Variants in MYOF observed in about 807,000 individuals in gnomAD.
The protein encoded by MYOF is myoferlin.
Under a neutral mutation model 284.2 loss-of-function variants are expected in MYOF, and 244 were observed. The ratio of observed to expected loss-of-function variants is 0.86; its 90% confidence interval spans 0.77 to 0.95. The LOEUF is 0.95. Ranked by LOEUF, MYOF falls within the 40% of genes least tolerant of loss-of-function variation. The probability of loss-of-function intolerance (pLI) is 0.00; values close to 1 mark genes in which losing one functional copy is unlikely to be tolerated. For missense variants in MYOF, 2,496 were observed against 2,560.6 expected (o/e 0.97, Z 0.54); for synonymous variants, 904 against 919.7 (o/e 0.98, Z 0.31).
chr10:93,409,018 C>T (rs1847769938), intron 6 of MYOF, 103 bp from the exon 7 acceptor site: 2 of 1,542,620 alleles, frequency 1.3e-6, no homozygotes, highest in African/African-American at 2.7e-5. Context: ...GGATTGCTAA[C>T]ACCAGGCCAG....
chr10:93,442,879 C>T (rs1216402178), intron 3 of MYOF, among the ~76,000 whole-genome samples: 1 of 152,144 alleles, frequency 6.6e-6, no homozygotes, highest in African/African-American at 2.4e-5. Flanking sequence ...CAACACTCAG[C>T]GGGGCACGGT....
At chr10:93,335,193 G>T (rs1843537519) in intron 41 of MYOF, among the ~76,000 whole-genome samples, 1 of 152,122 alleles carries the variant, frequency 6.6e-6, no homozygotes, top group South Asian at 2.1e-4. Context: ...CAGGTAGAAA[G>T]GGCACCCAGG....
chr10:93,418,365 T>C (rs1848219619), intron 5 of MYOF, among the ~76,000 whole-genome samples: 1 of 152,236 alleles, frequency 6.6e-6, no homozygotes, highest in East Asian at 1.9e-4. Flanking sequence ...ATTTCTAAAA[T>C]GTTAAAAGTT....
At chr10:93,450,515 G>A (rs984347411) in intron 3 of MYOF, among the ~76,000 whole-genome samples, 2 of 150,108 alleles carry the variant, frequency 1.3e-5, no homozygotes, top group East Asian at 2.0e-4. Context: ...CGGAGGTTGC[G>A]GTAAGCTGAG....
At chr10:93,461,757 C>A (rs543695747) in intron 1 of MYOF, among the ~76,000 whole-genome samples, 1 of 152,212 alleles carries the variant, frequency 6.6e-6, no homozygotes, top group South Asian at 2.1e-4. Context: ...ACTGTGAAGC[C>A]TCAAGTACCA....
In MYOF at chr10:93,340,274, T is replaced by C. The variant is rs1288642309; in HGVS notation, c.4327-110A>G. On this transcript the variant is annotated intron_variant, in intron 38 of 53. Transcript: ENST00000359263. ...AAAGAGAAAGAAGCAAAAATTATTA[T>C]TCATGCATGCCTTATATTATCAACA... The C allele has an allele frequency of 3.8e-6, 4 of 1,052,068 alleles. No individual in the cohort carries two copies. In the African/African-American group the frequency reaches 6.4e-5, roughly 17 times the overall value. The allele number at this position is 1,052,068 out of a possible 1,614,324, so 65.2% of individuals were successfully genotyped here. A position where few individuals can be genotyped will look rare whatever the true frequency, so the allele number is the denominator to read the frequency against.
intron 25 of MYOF, among the ~76,000 whole-genome samples, chr10:93,367,796 T>C (rs770158955): frequency 2.0e-5 from 3 of 151,102 alleles, no homozygotes; most frequent in Non-Finnish European, 3.0e-5. Flanking sequence ...AAGCACCTCA[T>C]AGACTCCCAG....
intron 2 of MYOF, among the ~76,000 whole-genome samples, chr10:93,452,677 A>AC (rs1564730846): frequency 1.3e-5 from 2 of 152,098 alleles, no homozygotes; most frequent in African/African-American, 4.8e-5. Flanking sequence ...CACTTTGTGC[A>AC]CATGTACCCT....
At chr10:93,309,334 G>A (rs1842280403) in intron 53 of MYOF, among the ~76,000 whole-genome samples, 1 of 152,086 alleles carries the variant, frequency 6.6e-6, no homozygotes, top group African/African-American at 2.4e-5. Context: ...CTAGCCTGTC[G>A]TAGATGCGCA....
intron 25 of MYOF, among the ~76,000 whole-genome samples, chr10:93,369,209 A>G (rs1279230971): frequency 6.9e-6 from 1 of 145,632 alleles, no homozygotes; most frequent in Non-Finnish European, 1.5e-5. Flanking sequence ...CTCTACCCCA[A>G]GTAAGCTTAT....
chr10:93,347,206 C>A (rs1284923692), intron 37 of MYOF, among the ~76,000 whole-genome samples: 1 of 152,168 alleles, frequency 6.6e-6, no homozygotes, highest in Non-Finnish European at 1.5e-5. Flanking sequence ...GACAATGAAT[C>A]CAGGACTTAC....
chr10:93,384,570 G>A (rs1168815905), intron 19 of MYOF, among the ~76,000 whole-genome samples: 1 of 151,860 alleles, frequency 6.6e-6, no homozygotes, highest in African/African-American at 2.4e-5. Context: ...CTTGAACCCA[G>A]GAGGTGGAGG....
chr10:93,334,277 G>A (rs919012830), intron 41 of MYOF, among the ~76,000 whole-genome samples: 7 of 152,078 alleles, frequency 4.6e-5, no homozygotes, highest in African/African-American at 1.2e-4. Flanking sequence ...CAGTGATTCC[G>A]CTTTTCCTGT....
chr10:93,404,313 G>T, intron 7 of MYOF, 94 bp from the exon 8 acceptor site: 1 of 1,304,672 alleles, frequency 7.7e-7, no homozygotes, highest in Non-Finnish European at 1.1e-6. Context: ...CCTAAAAAAT[G>T]CAAAACACAA....
intron 22 of MYOF, among the ~76,000 whole-genome samples, chr10:93,376,828 G>C (rs1845859876): frequency 6.6e-6 from 1 of 152,162 alleles, no homozygotes; most frequent in African/African-American, 2.4e-5. Context: ...CCTAACAGAG[G>C]CTTGGCCACA....
At chr10:93,353,294 T>G (rs1201931773) in intron 32 of MYOF, among the ~76,000 whole-genome samples, 1 of 152,150 alleles carries the variant, frequency 6.6e-6, no homozygotes, top group East Asian at 1.9e-4. Context: ...CAGCTGGGTG[T>G]CAGTGCAAGA....
intron 29 of MYOF, 43 bp from the exon 30 acceptor site, chr10:93,356,891 T>C (rs372685613): frequency 4.0e-5 from 62 of 1,559,764 alleles, no homozygotes; most frequent in Middle Eastern, 2.2e-4. Flanking sequence ...ATGATGATGA[T>C]GATATTCCTT....
chr10:93,446,692 T>C lies in MYOF; in HGVS notation c.236+5358A>G, dbSNP rs1016297431. Among the ~76,000 whole-genome samples, 6 of 152,052 alleles carry C rather than the reference T, an allele frequency of 3.9e-5. No homozygotes were observed. The East Asian group carries it at 9.7e-4, about 24-fold the overall frequency. On this transcript the variant is annotated intron_variant, in intron 3 of 53. Coordinates refer to ENST00000359263, the MANE Select transcript of MYOF (RefSeq NM_013451.4). ...TACCTTTTTCTGTTATGCCTAACAA[T>C]TCCCGTCATCATAATATCAGAGTAA... is the stretch of plus-strand genomic sequence containing the variant.
chr10:93,361,792 A>G (rs1051331995), intron 27 of MYOF, among the ~76,000 whole-genome samples: 1 of 152,194 alleles, frequency 6.6e-6, no homozygotes, highest in African/African-American at 2.4e-5. Flanking sequence ...ACTAGGTTCA[A>G]TCATGTGAAA....
Sources: gnomAD v4.1 joint callset for allele counts (sites outside exome capture counted in the v4.1 genomes callset) on GRCh38, gnomAD v4.1.1 for gene constraint, MANE v1.5 for transcripts, NCBI Gene and HGNC (gene_info 2026-07-23, HGNC 2026-07-21) for gene names.